INPP5A: variants seen among roughly 807,000 people sequenced by gnomAD.
INPP5A encodes the protein 43 kDa inositol polyphosphate 5-phophatase.
A neutral mutation model predicts 65.2 loss-of-function variants in INPP5A; 14 were observed. The observed-to-expected ratio is 0.21, with a 90% confidence interval of 0.14 to 0.34. The LOEUF (loss-of-function observed/expected upper bound fraction) is 0.34, where lower values mean the gene tolerates loss of function less well. Ranked by LOEUF, INPP5A falls within the 10% of genes least tolerant of loss-of-function variation. The pLI is 1.00. For missense variants in INPP5A, 431 were observed against 545.6 expected (o/e 0.79, Z 2.09); for synonymous variants, 207 against 208.3 (o/e 0.99, Z 0.05).
chr10:132,664,166 C>T (rs939692133), intron 4 of INPP5A, among the ~76,000 whole-genome samples: 10 of 152,192 alleles, frequency 6.6e-5, no homozygotes, highest in Non-Finnish European at 1.3e-4. Context: ...GTTTCACTTC[C>T]GGAGCCCCGT....
chr10:132,563,373 C>T (rs2071230431), intron 1 of INPP5A, among the ~76,000 whole-genome samples: 1 of 152,126 alleles, frequency 6.6e-6, no homozygotes, highest in African/African-American at 2.4e-5. Context: ...GCTGCGGGAG[C>T]CTTTTCTGTG....
intron 5 of INPP5A, among the ~76,000 whole-genome samples, chr10:132,690,769 G>A (rs1254104187): frequency 6.6e-6 from 1 of 152,234 alleles, no homozygotes; most frequent in African/African-American, 2.4e-5. Context: ...AGGGTTGCAT[G>A]TTTCAGAAAT....
At chr10:132,756,258 CGTG>C (rs1565002482) in intron 11 of INPP5A, among the ~76,000 whole-genome samples, 1 of 151,816 alleles carries the variant, frequency 6.6e-6, no homozygotes, top group Non-Finnish European at 1.5e-5. Flanking sequence ...TGTGCACTCA[CGTG>C]TGTGGTGTGT....
At chr10:132,611,458 G>A (rs1404741713) in intron 2 of INPP5A, among the ~76,000 whole-genome samples, 2 of 146,322 alleles carry the variant, frequency 1.4e-5, no homozygotes, top group Admixed American at 1.4e-4. Flanking sequence ...TGAGGAGGGT[G>A]GAGGAAGTGA....
intron 9 of INPP5A, among the ~76,000 whole-genome samples, chr10:132,736,695 G>A (rs1846182876): frequency 6.6e-6 from 1 of 152,232 alleles, no homozygotes; most frequent in South Asian, 2.1e-4. Flanking sequence ...AGCAGCATAA[G>A]CCCAGGCCCA....
At chr10:132,763,544 C>T (rs576120384) in intron 11 of INPP5A, among the ~76,000 whole-genome samples, 13 of 152,210 alleles carry the variant, frequency 8.5e-5, no homozygotes, top group Admixed American at 8.5e-4. Flanking sequence ...TGCACACACA[C>T]ATAAACATGT....
chr10:132,671,048 A>G (rs2072883524), intron 4 of INPP5A, among the ~76,000 whole-genome samples: 1 of 151,834 alleles, frequency 6.6e-6, no homozygotes, highest in Non-Finnish European at 1.5e-5. Context: ...AGGGTTGCTC[A>G]TGGTTTGGCC....
At chr10:132,654,086 T>C (rs2072617993) in intron 4 of INPP5A, among the ~76,000 whole-genome samples, 1 of 152,280 alleles carries the variant, frequency 6.6e-6, no homozygotes, top group Non-Finnish European at 1.5e-5. Context: ...GCCCCGAGGC[T>C]GTTCCTCCAG....
chr10:132,540,428 T>C (rs1404611828), intron 1 of INPP5A, among the ~76,000 whole-genome samples: 2 of 152,268 alleles, frequency 1.3e-5, no homozygotes, highest in African/African-American at 4.8e-5. Context: ...GTACATAGGT[T>C]AATTCTGAAA....
rs929204311 is a variant in INPP5A, at chr10:132,780,976, G to C, written c.1158+59G>C. ...GGGACCAAGGGGAAGCTAGGGGGCC[G>C]GGGGGCTGGGGCCAGTGGGTGGGCG... On this transcript the variant is annotated intron_variant, in intron 14 of 15. Coordinates refer to ENST00000368594, the MANE Select transcript of INPP5A (RefSeq NM_005539.5). The C allele has an allele frequency of 3.9e-6, 5 of 1,273,048 alleles. No homozygotes were observed. In the Admixed American group the frequency reaches 7.0e-5, roughly 18 times the overall value. 78.9% of individuals were successfully genotyped at this position (1,273,048 alleles called of 1,614,324 possible).
At chr10:132,595,348 G>A (rs1049109523) in intron 1 of INPP5A, among the ~76,000 whole-genome samples, 1 of 151,720 alleles carries the variant, frequency 6.6e-6, no homozygotes, top group African/African-American at 2.4e-5. Context: ...CATTTTTTTA[G>A]AGTATAAGTG....
rs2072473806 is a variant in INPP5A at position 132,644,923 on chromosome 10, G to C, written c.118-945G>C. Among the ~76,000 whole-genome samples the C allele has an allele frequency of 6.6e-6, 1 of 152,182 alleles. No homozygotes were observed. The highest frequency in any genetic ancestry group is 2.4e-5 in the African/African-American group (1 of 41,436). The stretch of plus-strand genomic sequence containing the variant: ...ACTCCCATGAGTGGCGAGGTGTGCG[G>C]TGTGGGGCAGTGGCTGGACTGACAG... On this transcript the variant is annotated intron_variant, in intron 2 of 15. Coordinates refer to ENST00000368594, the MANE Select transcript of INPP5A (RefSeq NM_005539.5). This position sits in a 1 kb window ranked among gnomAD's most constrained non-coding sequence, Gnocchi z 6.5.
intron 2 of INPP5A, among the ~76,000 whole-genome samples, chr10:132,630,464 G>C (rs139778401): frequency 0.015 from 2,305 of 151,574 alleles, 33 homozygotes; most frequent in South Asian, 0.039. Flanking sequence ...GGGAAGGCAA[G>C]CTCTAGGGAA....
At chr10:132,692,607 T>C (rs1590930408) in intron 5 of INPP5A, among the ~76,000 whole-genome samples, 2 of 152,316 alleles carry the variant, frequency 1.3e-5, no homozygotes, top group East Asian at 3.9e-4. Flanking sequence ...AACAATTACA[T>C]TGGACCTTTT....
intron 2 of INPP5A, among the ~76,000 whole-genome samples, chr10:132,634,346 C>T (rs530390042): frequency 6.0e-4 from 88 of 147,092 alleles, no homozygotes; most frequent in African/African-American, 2.2e-3. Flanking sequence ...GTGGGTGTGC[C>T]CCGGAGAGGC....
chr10:132,596,142 C>G (rs2071684196), intron 1 of INPP5A, among the ~76,000 whole-genome samples: 2 of 152,134 alleles, frequency 1.3e-5, no homozygotes, highest in African/African-American at 4.8e-5. Flanking sequence ...GTGGCTGTAC[C>G]TCCGAGGACT....
At chr10:132,776,293 AGT>A (rs1175159118) in intron 12 of INPP5A, among the ~76,000 whole-genome samples, 17 of 152,132 alleles carry the variant, frequency 1.1e-4, no homozygotes, top group Non-Finnish European at 2.5e-4. Flanking sequence ...GGCTCCTGTG[AGT>A]GTGGCTCCCG....
In INPP5A at chr10:132,707,259, G is replaced by A. The variant is rs372792319; in HGVS notation, c.475-1054G>A. Among the ~76,000 whole-genome samples, 37 of 152,150 alleles carry A rather than the reference G, an allele frequency of 2.4e-4. No individual in the cohort carries two copies. The highest frequency in any genetic ancestry group is 5.0e-4 in the Non-Finnish European group (34 of 68,028). The stretch of plus-strand genomic sequence containing the variant: ...AGAACAGCAGCCCCTGTCCACCTCC[G>A]CCCCCGATGGCGCCAGGCATATGGC... On this transcript the variant is annotated intron_variant, in intron 6 of 15. Transcript: ENST00000368594. This position sits in a 1 kb window ranked among gnomAD's most constrained non-coding sequence, Gnocchi z 5.5.
rs941127283 is a variant in INPP5A at position 132,675,990 on chromosome 10, A to C, written c.307-14402A>C. Among the ~76,000 whole-genome samples the C allele has an allele frequency of 1.3e-5, 2 of 152,242 alleles. No individual in the cohort carries two copies. The highest frequency in any genetic ancestry group is 4.8e-5 in the African/African-American group (2 of 41,456). The stretch of plus-strand genomic sequence containing the variant: ...AATGATTTTTAGAAGACAAAAGATA[A>C]GAGTCAGAACCATTTTAATTAGGAT... On this transcript the variant is annotated intron_variant, in intron 4 of 15. Transcript: ENST00000368594. The surrounding 1 kb of genome is among the most constrained non-coding windows in gnomAD (Gnocchi z 4.2).
Sources: gnomAD v4.1 joint callset for allele counts (sites outside exome capture counted in the v4.1 genomes callset) on GRCh38, gnomAD v4.1.1 for gene constraint, Gnocchi (gnomAD v3.1) non-coding constraint, MANE v1.5 for transcripts, NCBI Gene and HGNC (gene_info 2026-07-23, HGNC 2026-07-21) for gene names.